SAXO1: variants seen among roughly 807,000 people sequenced by gnomAD.
SAXO1 encodes the protein stabilizer of axonemal microtubules 1, also known as 4930500O09Rik.
Under a neutral mutation model 17.5 loss-of-function variants are expected in SAXO1, and 21 were observed. The observed-to-expected ratio is 1.20, with a 90% CI of 0.85 to 1.72. The LOEUF (loss-of-function observed/expected upper bound fraction) is 1.72. Ranked by LOEUF, SAXO1 falls within the 40% of genes most tolerant of loss-of-function variation. The pLI is 0.00. For missense variants in SAXO1, 843 were observed against 596.0 expected (o/e 1.41, Z -4.32); for synonymous variants, 274 against 216.5 (o/e 1.27, Z -2.33).
chr9:19,042,642 C>T (rs1836103957), intron 1 of SAXO1, among the ~76,000 whole-genome samples: 1 of 152,034 alleles, frequency 6.6e-6, no homozygotes, highest in Admixed American at 6.5e-5. Context: ...GCAGGCGGAT[C>T]ACCAGAGGTT....
At chr9:19,015,472 T>C (rs1457549469) in intron 1 of SAXO1, among the ~76,000 whole-genome samples, 1 of 152,162 alleles carries the variant, frequency 6.6e-6, no homozygotes, top group Non-Finnish European at 1.5e-5. Context: ...ACTTCCCAAG[T>C]AGCTGGGATT....
intron 1 of SAXO1, among the ~76,000 whole-genome samples, chr9:18,994,667 C>A (rs539052947): frequency 6.6e-6 from 1 of 152,350 alleles, no homozygotes; most frequent in South Asian, 2.1e-4. Context: ...GAGCACTCTG[C>A]TCGGGTAAGC....
In SAXO1 at chr9:18,948,180, A is replaced by G. The variant is rs144212349; in HGVS notation, c.218+2578T>C. Among the ~76,000 whole-genome samples the G allele has an allele frequency of 3.7e-4, 57 of 152,260 alleles. No individual in the cohort carries two copies. The East Asian group carries it at 0.01, about 28-fold the overall frequency. ...GCCTCTAGGGGAACACCCAGATGGT[A>G]GCTTCCCTACATTTCCTGACAGTGG... On this transcript the variant is annotated intron_variant, in intron 2 of 3. Transcript: ENST00000380534.
intron 1 of SAXO1, among the ~76,000 whole-genome samples, chr9:18,970,079 T>C (rs1423346522): frequency 6.6e-6 from 1 of 152,226 alleles, no homozygotes; most frequent in Non-Finnish European, 1.5e-5. Flanking sequence ...CTTACTAAGC[T>C]TGCAAGTGGA....
intron 2 of SAXO1, among the ~76,000 whole-genome samples, chr9:18,948,524 G>A (rs1256500168): frequency 2.0e-5 from 3 of 152,142 alleles, no homozygotes; most frequent in African/African-American, 7.2e-5. Flanking sequence ...TCTGACTCCG[G>A]CAGGGGCAGA....
chr9:19,041,162 A>C (rs1254765104), intron 1 of SAXO1, among the ~76,000 whole-genome samples: 1 of 67,758 alleles, frequency 1.5e-5, no homozygotes, highest in Non-Finnish European at 2.6e-5. Context: ...GAACAATCTG[A>C]AAAAAAAAAA....
At chr9:19,014,168 T>C (rs1026434752) in intron 1 of SAXO1, among the ~76,000 whole-genome samples, 7 of 151,872 alleles carry the variant, frequency 4.6e-5, no homozygotes, top group African/African-American at 1.5e-4. Flanking sequence ...AGGCTTTAAA[T>C]TGGCAAAAAT....
intron 1 of SAXO1, among the ~76,000 whole-genome samples, chr9:19,013,111 G>C (rs1181575359): frequency 6.6e-6 from 1 of 151,944 alleles, no homozygotes; most frequent in Admixed American, 6.6e-5. Flanking sequence ...CTTCCAGATA[G>C]ATCCTGGAGG....
At chr9:19,036,595 C>A (rs1304286922), upstream of SAXO1, among the ~76,000 whole-genome samples, 1 of 152,168 alleles carries the variant, frequency 6.6e-6, no homozygotes, top group African/African-American at 2.4e-5. Flanking sequence ...GGATGCAAGC[C>A]CCAAGCCTTG....
intron 1 of SAXO1, among the ~76,000 whole-genome samples, chr9:18,975,185 G>C (rs1027700785): frequency 5.3e-5 from 8 of 152,036 alleles, no homozygotes; most frequent in African/African-American, 1.9e-4. Flanking sequence ...CAGCATGAGT[G>C]CTGGGGAAGC....
chr9:18,943,758 AC>A (rs1831676866), intron 2 of SAXO1, among the ~76,000 whole-genome samples: 1 of 152,240 alleles, frequency 6.6e-6, no homozygotes, highest in African/African-American at 2.4e-5. Flanking sequence ...ATCAGGAGGT[AC>A]CAAGGGCATG....
At chr9:19,026,463 C>T (rs1835474259) in intron 1 of SAXO1, among the ~76,000 whole-genome samples, 1 of 152,190 alleles carries the variant, frequency 6.6e-6, no homozygotes, top group African/African-American at 2.4e-5. Flanking sequence ...TCCCTTTCAG[C>T]TTTAAAAGTC....
chr9:19,023,814 G>C (rs116565135), intron 1 of SAXO1, among the ~76,000 whole-genome samples: 5 of 73,744 alleles, frequency 6.8e-5, no homozygotes, highest in South Asian at 8.4e-4. Flanking sequence ...GCAAGGAAAG[G>C]AAAGAAAGGA....
chr9:18,959,126 A>C (rs1429556857), intron 1 of SAXO1, among the ~76,000 whole-genome samples: 3 of 152,186 alleles, frequency 2.0e-5, no homozygotes, highest in Non-Finnish European at 1.5e-5. Context: ...CTCAGTGCTG[A>C]AGAAGTGGTT....
chr9:19,004,455 T>G (rs1415249763), intron 1 of SAXO1, among the ~76,000 whole-genome samples: 1 of 152,208 alleles, frequency 6.6e-6, no homozygotes, highest in Non-Finnish European at 1.5e-5. Flanking sequence ...AGCAAAGACT[T>G]GGAACCAACC....
intron 1 of SAXO1, chr9:19,028,173 G>A (rs550449877): frequency 6.6e-6 from 9 of 1,364,790 alleles, no homozygotes; most frequent in Admixed American, 3.7e-5. Flanking sequence ...GCTGAAGTGC[G>A]CAATAAAAGA....
At chr9:19,030,263 G>A (rs1835697007) in intron 1 of SAXO1, among the ~76,000 whole-genome samples, 1 of 152,068 alleles carries the variant, frequency 6.6e-6, no homozygotes, top group African/African-American at 2.4e-5. Flanking sequence ...TTTCATGTAA[G>A]GGAATCATGG....
intron 1 of SAXO1, among the ~76,000 whole-genome samples, chr9:18,955,339 C>T (rs556048160): frequency 6.6e-6 from 1 of 152,302 alleles, no homozygotes; most frequent in Non-Finnish European, 1.5e-5. Context: ...TACTTTCTTA[C>T]TCTTTCTTAC....
intron 3 of SAXO1, among the ~76,000 whole-genome samples, chr9:18,933,449 G>A (rs1831142767): frequency 6.6e-6 from 1 of 152,100 alleles, no homozygotes; most frequent in Admixed American, 6.5e-5. Context: ...AGAAAACAAA[G>A]AAAAGTATAT....
Sources: allele counts gnomAD v4.1 joint callset (sites outside exome capture counted in the v4.1 genomes callset), GRCh38; gene constraint gnomAD v4.1.1; transcripts MANE v1.5; gene names NCBI Gene and HGNC (gene_info 2026-07-23, HGNC 2026-07-21).